The following CADM1 variants were observed in gnomAD, a reference collection of about 807,000 sequenced individuals.
CADM1 encodes the protein TSLC-1.
A neutral mutation model predicts 53.1 loss-of-function variants in CADM1; 15 were observed. The observed-to-expected ratio is 0.28, with a 90% CI of 0.19 to 0.44. The LOEUF (loss-of-function observed/expected upper bound fraction) is 0.44, where lower values mean the gene tolerates loss of function less well. CADM1 is among the 20% of genes least tolerant of loss of function. CADM1 has a pLI of 1.00. For missense variants in CADM1, 434 were observed against 611.3 expected (o/e 0.71, Z 3.06); for synonymous variants, 281 against 243.0 (o/e 1.16, Z -1.45).
chr11:115,279,531 G>C (rs1943531534), intron 1 of CADM1, among the ~76,000 whole-genome samples: 1 of 152,130 alleles, frequency 6.6e-6, no homozygotes, highest in Non-Finnish European at 1.5e-5. Context: ...TTCTGTATTA[G>C]ATAATGCAAA....
At chr11:115,352,311 G>A (rs1287899236) in intron 1 of CADM1, among the ~76,000 whole-genome samples, 1 of 152,174 alleles carries the variant, frequency 6.6e-6, no homozygotes, top group Non-Finnish European at 1.5e-5. Flanking sequence ...ACGGAATGAT[G>A]ATTCTAAGTC....
chr11:115,492,518 C>T (rs1029016414), intron 1 of CADM1, among the ~76,000 whole-genome samples: 12 of 152,082 alleles, frequency 7.9e-5, no homozygotes, highest in African/African-American at 2.9e-4. Context: ...ATAACACACA[C>T]ACAAAAAAAC....
chr11:115,276,293 A>G (rs923124456), intron 1 of CADM1, among the ~76,000 whole-genome samples: 2 of 152,216 alleles, frequency 1.3e-5, no homozygotes, highest in Non-Finnish European at 2.9e-5. Flanking sequence ...CTACCCAGTA[A>G]CACCTATAAA....
intron 1 of CADM1, among the ~76,000 whole-genome samples, chr11:115,243,437 T>C (rs1942309047): frequency 6.6e-6 from 1 of 152,168 alleles, no homozygotes; most frequent in Non-Finnish European, 1.5e-5. Flanking sequence ...ATTCTGTAAA[T>C]ATCACCAATA....
chr11:115,277,540 C>T (rs1164147829), intron 1 of CADM1, among the ~76,000 whole-genome samples: 3 of 152,056 alleles, frequency 2.0e-5, no homozygotes, highest in Admixed American at 6.6e-5. Flanking sequence ...TTACTAGGGT[C>T]GAGTAATTGT....
At chr11:115,381,914 C>T (rs1367679468) in intron 1 of CADM1, among the ~76,000 whole-genome samples, 1 of 152,104 alleles carries the variant, frequency 6.6e-6, no homozygotes, top group Admixed American at 6.5e-5. Flanking sequence ...GGCCCGATCT[C>T]GGCTCACTGC....
chr11:115,426,698 C>T (rs1004921853), intron 1 of CADM1, among the ~76,000 whole-genome samples: 2 of 152,126 alleles, frequency 1.3e-5, no homozygotes, highest in Admixed American at 1.3e-4. Context: ...ACCCACCCTC[C>T]CCTGCTTCCC....
intron 5 of CADM1, among the ~76,000 whole-genome samples, chr11:115,220,266 C>G (rs1941356563): frequency 6.6e-6 from 1 of 152,094 alleles, no homozygotes; most frequent in African/African-American, 2.4e-5. Flanking sequence ...ATAATAAAGA[C>G]AGTGTTGAAA....
Position 115,175,105 on chromosome 11 carries a change from A to AACACTC in CADM1, c.*1363_*1368dup, listed in dbSNP as rs1284809446. ...AGTGTATGAAAGGTAAAAAGATAAA[A>AACACTC]ACACTCACATTTGAGTTTTGATTAA... On this transcript the variant is annotated 3_prime_UTR_variant, in exon 12 of 12. Transcript: ENST00000331581. 2.0e-6 allele frequency: 2 copies of AACACTC among 985,848 alleles called. No individual in the cohort carries two copies. Among genetic ancestry groups the AACACTC allele is most frequent in the Non-Finnish European group, 2.4e-6 (2 of 829,930 alleles). 61.1% of individuals were successfully genotyped at this position (985,848 alleles called of 1,614,324 possible). A position where few individuals can be genotyped will look rare whatever the true frequency, so the allele number is the denominator to read the frequency against.
chr11:115,288,162 C>T (rs981362698), intron 1 of CADM1, among the ~76,000 whole-genome samples: 11 of 152,160 alleles, frequency 7.2e-5, no homozygotes, highest in South Asian at 2.1e-4. Flanking sequence ...AAAACAAGGG[C>T]CCTACAGGGA....
At chr11:115,413,436 G>A (rs971863103) in intron 1 of CADM1, among the ~76,000 whole-genome samples, 1 of 152,060 alleles carries the variant, frequency 6.6e-6, no homozygotes, top group Non-Finnish European at 1.5e-5. Flanking sequence ...AACATTTATT[G>A]AGTGCTTACT....
chr11:115,390,359 G>A (rs1946804392), intron 1 of CADM1, among the ~76,000 whole-genome samples: 1 of 151,866 alleles, frequency 6.6e-6, no homozygotes, highest in South Asian at 2.1e-4. Context: ...GAGAGAGAGG[G>A]AGAAGGGGAA....
chr11:115,273,674 A>G (rs1943366324), intron 1 of CADM1, among the ~76,000 whole-genome samples: 1 of 152,208 alleles, frequency 6.6e-6, no homozygotes, highest in Non-Finnish European at 1.5e-5. Context: ...TTAGATTGTC[A>G]TTTTATACAA....
intron 1 of CADM1, among the ~76,000 whole-genome samples, chr11:115,342,034 T>C (rs567147024): frequency 3.9e-5 from 6 of 152,084 alleles, no homozygotes; most frequent in Non-Finnish European, 7.4e-5. Flanking sequence ...TATAAATTCA[T>C]AAAAAATGCA....
At chr11:115,448,539 T>C in intron 1 of CADM1, among the ~76,000 whole-genome samples, 1 of 151,616 alleles carries the variant, frequency 6.6e-6, no homozygotes, top group Non-Finnish European at 1.5e-5. Flanking sequence ...TATAAAACAT[T>C]AAAAAATTAA....
chr11:115,245,120 A>G (rs569406476), intron 1 of CADM1, among the ~76,000 whole-genome samples: 2 of 152,354 alleles, frequency 1.3e-5, no homozygotes, highest in East Asian at 3.9e-4. Flanking sequence ...AAGGAGCACC[A>G]GCGACTCTTC....
At chr11:115,367,439 C>T (rs2135113552) in intron 1 of CADM1, among the ~76,000 whole-genome samples, 1 of 152,300 alleles carries the variant, frequency 6.6e-6, no homozygotes, top group East Asian at 1.9e-4. Flanking sequence ...TACATCAAAT[C>T]AAGTGTTCTC....
At chr11:115,365,000 C>T (rs531411163) in intron 1 of CADM1, among the ~76,000 whole-genome samples, 8 of 152,196 alleles carry the variant, frequency 5.3e-5, no homozygotes, top group Admixed American at 2.0e-4. Flanking sequence ...TATGGAAAAA[C>T]GTGACAGGCT....
At chr11:115,397,950 A>G (rs1947044781) in intron 1 of CADM1, among the ~76,000 whole-genome samples, 1 of 152,186 alleles carries the variant, frequency 6.6e-6, no homozygotes, top group South Asian at 2.1e-4. Context: ...GGAAATGGGC[A>G]CATCGCCATA....
Sources: gnomAD v4.1 joint callset for allele counts (sites outside exome capture counted in the v4.1 genomes callset) on GRCh38, gnomAD v4.1.1 for gene constraint, MANE v1.5 for transcripts, NCBI Gene and HGNC (gene_info 2026-07-23, HGNC 2026-07-21) for gene names.